The following PLPPR3 variants were observed in gnomAD, a reference collection of about 807,000 sequenced individuals.
PLPPR3 encodes phospholipid phosphatase-related protein type 3.
In PLPPR3, 14 loss-of-function variants were observed where a neutral mutation model predicts 27.3. The observed-to-expected ratio is 0.51, with a 90% CI of 0.34 to 0.80. The LOEUF is 0.80. PLPPR3 is among the 30% of genes least tolerant of loss of function. PLPPR3 has a pLI of 0.01. For synonymous variants in PLPPR3, 671 were observed against 508.0 expected (o/e 1.32, Z -4.32); for missense variants, 1,287 against 1,056.9 (o/e 1.22, Z -3.02).
Position 812,883 on chromosome 19 carries a change from G to C in PLPPR3, c.1844C>G (p.Ala615Gly). Residue 615 changes from alanine to glycine, a missense_variant, in exon 8 of 8, where the codon GCC (alanine) becomes GGC (glycine). Ala to Gly is a moderately conservative substitution (Grantham distance 60). Transcript: ENST00000520876. ...KAAGGGAKAEADGGYELGDLA... is the reference protein window; with the variant it reads ...KAAGGGAKAEGDGGYELGDLA... The stretch of plus-strand genomic sequence containing the variant: ...GTCCCCCAGCTCGTAGCCGCCGTCG[G>C]CCTCCGCCTTGGCCCCGCCGCCCGC... 8.1e-7 allele frequency: 1 copy of C among 1,232,840 alleles called. No individual in the cohort carries two copies. Among genetic ancestry groups the C allele is most frequent in the South Asian group, 1.9e-5 (1 of 51,560 alleles). The allele number at this position is 1,232,840 out of a possible 1,614,324, so 76.4% of individuals were successfully genotyped here. A position where few individuals can be genotyped will look rare whatever the true frequency, so the allele number is the denominator to read the frequency against.
upstream of PLPPR3, among the ~76,000 whole-genome samples, chr19:823,450 A>AAAAAAAACAAAC (rs71174324): frequency 0.082 from 11,861 of 143,796 alleles, 700 homozygotes; most frequent in East Asian, 0.16. Flanking sequence ...TCAAAAAAAA[A>AAAAAAAACAAAC]AAAAAAAACA....
Position 813,512 on chromosome 19 carries a change from C to T in PLPPR3, c.1215G>A (p.Lys405=). The part of the protein sequence containing the change: ...IHVPLDASRS[K]QLISEWKQKS... ...TCTGCTTCCACTCGCTGATGAGCTGCTTGGAGCGCGAGGCGTCCAGCGGCA... is the reference window on the plus strand; with the variant it reads ...TCTGCTTCCACTCGCTGATGAGCTGTTTGGAGCGCGAGGCGTCCAGCGGCA... Residue 405 remains lysine (K), a synonymous_variant, in exon 8 of 8, where the codon AAG becomes AAA. Coordinates refer to ENST00000520876, the MANE Select transcript of PLPPR3 (RefSeq NM_001270366.2). The surrounding 1 kb of genome is among the most constrained non-coding windows in gnomAD (Gnocchi z 4.1). 1.3e-6 allele frequency: 2 copies of T among 1,557,876 alleles called. No individual in the cohort carries two copies. The highest frequency in any genetic ancestry group is 1.7e-6 in the Non-Finnish European group (2 of 1,154,566).
intron 2 of PLPPR3, among the ~76,000 whole-genome samples, chr19:819,964 C>T (rs1179548185): frequency 6.6e-6 from 1 of 151,948 alleles, no homozygotes; most frequent in Non-Finnish European, 1.5e-5. Context: ...TCTCAGGCTC[C>T]TATGTAACTG....
chr19:813,699 T>C lies in PLPPR3; in HGVS notation c.1028A>G (p.Lys343Arg). 2.0e-6 allele frequency: 3 copies of C among 1,529,272 alleles called. No homozygotes were observed. The highest frequency in any genetic ancestry group is 2.6e-6 in the Non-Finnish European group (3 of 1,143,236). The allele number at this position is 1,529,272 out of a possible 1,614,324, so 94.7% of individuals were successfully genotyped here. A position where few individuals can be genotyped will look rare whatever the true frequency, so the allele number is the denominator to read the frequency against. The part of the protein sequence containing the change: ...EGAPRPVARE[K>R]TSLGSLKRAS... ...GCGCTTCAGGCTGCCCAGCGAGGTC[T>C]TCTCGCGGGCCACGGGCCGGGGCGC... The change falls in exon 8 of 8, where the codon AAG becomes AGG. Residue 343 changes from lysine to arginine, a missense_variant. By Grantham distance (26) the Lys-to-Arg change is conservative. Coordinates refer to ENST00000520876, the MANE Select transcript of PLPPR3 (RefSeq NM_001270366.2). The surrounding 1 kb of genome is among the most constrained non-coding windows in gnomAD (Gnocchi z 4.1).
intron 3 of PLPPR3, 133 bp downstream of exon 3, chr19:815,533 C>T: frequency 8.8e-7 from 1 of 1,134,196 alleles, no homozygotes; most frequent in Non-Finnish European, 1.2e-6. Context: ...GGCTGCGGTG[C>T]CCACAGGCTG....
In PLPPR3 at chr19:812,889, G is replaced by A. The variant is rs1416974071; in HGVS notation, c.1838C>T (p.Ala613Val). The A allele has an allele frequency of 1.6e-6, 2 of 1,260,360 alleles. No individual in the cohort carries two copies. Among genetic ancestry groups the A allele is most frequent in the Admixed American group, 4.3e-5 (1 of 23,122 alleles). The allele number at this position is 1,260,360 out of a possible 1,614,324, so 78.1% of individuals were successfully genotyped here. ...EWKAAGGGAK[A>V]EADGGYELGD... ...CAGCTCGTAGCCGCCGTCGGCCTCC[G>A]CCTTGGCCCCGCCGCCCGCCGCCTT... Residue 613 changes from alanine to valine, a missense_variant, in exon 8 of 8, where the codon GCG becomes GTG. By Grantham distance (64) the Ala-to-Val change is moderately conservative. Coordinates refer to ENST00000520876, the MANE Select transcript of PLPPR3 (RefSeq NM_001270366.2).
At position 821,571 on chromosome 19, in the gene PLPPR3, C is replaced by G; in HGVS notation, c.-12G>C. 1 of 1,469,748 alleles carries G rather than the reference C, an allele frequency of 6.8e-7. No individual in the cohort carries two copies. Among genetic ancestry groups the G allele is most frequent in the East Asian group, 3.0e-5 (1 of 33,424 alleles). The allele number at this position is 1,469,748 out of a possible 1,614,324, so 91.0% of individuals were successfully genotyped here. A position where few individuals can be genotyped will look rare whatever the true frequency, so the allele number is the denominator to read the frequency against. ...TTGGTGGAGATCATGGTGCCGCGGG[C>G]GCCGCAGGCCGTGGCTGGAGGGGAG... is the stretch of plus-strand genomic sequence containing the variant. On this transcript the variant is annotated 5_prime_UTR_variant, in exon 2 of 8. Coordinates refer to ENST00000520876, the MANE Select transcript of PLPPR3 (RefSeq NM_001270366.2).
rs993108857 is a variant in PLPPR3 at position 812,551 on chromosome 19, C to G, written c.*19G>C. The G allele has an allele frequency of 1.5e-5, 15 of 986,434 alleles. No homozygotes were observed. Among genetic ancestry groups the G allele is most frequent in the African/African-American group, 1.8e-5 (1 of 56,586 alleles). 61.1% of individuals were successfully genotyped at this position (986,434 alleles called of 1,614,324 possible). A position where few individuals can be genotyped will look rare whatever the true frequency, so the allele number is the denominator to read the frequency against. ...CCGCGCCCTCGGCCCGCCCCCCGCC[C>G]GCCCCCGGCCCCGCCGCGCTAGTCG... On this transcript the variant is annotated 3_prime_UTR_variant, in exon 8 of 8. Coordinates refer to ENST00000520876, the MANE Select transcript of PLPPR3 (RefSeq NM_001270366.2).
At position 812,515 on chromosome 19, in the gene PLPPR3, C is replaced by T. The variant is rs1047498134; in HGVS notation, c.*55G>A. On this transcript the variant is annotated 3_prime_UTR_variant, in exon 8 of 8. Transcript: ENST00000520876. Reference sequence around the variant, plus strand: ...GGTTTCTGCCGCTTTATTGAGCATCCGCGCGGCCGCCCGCGCCCTCGGCCC... The same window carrying T: ...GGTTTCTGCCGCTTTATTGAGCATCTGCGCGGCCGCCCGCGCCCTCGGCCC... 12 of 987,208 alleles carry T rather than the reference C, an allele frequency of 1.2e-5. No homozygotes were observed. In the Admixed American group the frequency reaches 3.1e-4, roughly 25 times the overall value. 61.2% of individuals were successfully genotyped at this position (987,208 alleles called of 1,614,324 possible).
chr19:819,306 A>C (rs1450487422), intron 2 of PLPPR3, among the ~76,000 whole-genome samples: 1 of 111,600 alleles, frequency 9.0e-6, no homozygotes, highest in African/African-American at 4.0e-5. Flanking sequence ...TCCGAGATGG[A>C]GTCTCACTCT....
chr19:823,547 G>A (rs889434876), upstream of PLPPR3, among the ~76,000 whole-genome samples: 4 of 152,230 alleles, frequency 2.6e-5, no homozygotes, highest in South Asian at 2.1e-4. Context: ...GAAGAGGGTC[G>A]CCTGCCATAA....
chr19:812,927 C>G lies in PLPPR3; in HGVS notation c.1800G>C (p.Ala600=). The G allele has an allele frequency of 5.2e-6, 7 of 1,335,670 alleles. No homozygotes were observed. The highest frequency in any genetic ancestry group is 6.7e-6 in the Non-Finnish European group (7 of 1,041,086). 82.7% of individuals were successfully genotyped at this position (1,335,670 alleles called of 1,614,324 possible). A position where few individuals can be genotyped will look rare whatever the true frequency, so the allele number is the denominator to read the frequency against. ...HPVVHLSAGG[A]PWEWKAAGGG... ...CGCCCGCCGCCTTCCACTCCCAGGG[C>G]GCGCCGCCGGCCGACAGGTGCACCA... is the stretch of plus-strand genomic sequence containing the variant. Residue 600 remains alanine, a synonymous_variant, in exon 8 of 8, where the codon GCG becomes GCC. Transcript: ENST00000520876.
intron 2 of PLPPR3, among the ~76,000 whole-genome samples, chr19:818,894 A>G (rs923792057): frequency 9.3e-5 from 14 of 150,520 alleles, no homozygotes; most frequent in African/African-American, 3.2e-4. Context: ...CCAGGCCTCA[A>G]GTGATCTTCC....
Position 813,407 on chromosome 19 carries a change from C to G in PLPPR3, c.1320G>C (p.Ala440=), listed in dbSNP as rs201467490. ...GHLRAPAEPM[A]EEEEEEEDEE... is the part of the protein sequence containing the mutation. ...CGTCCTCCTCCTCTTCCTCCTCCTC[C>G]GCCATGGGTTCGGCGGGCGCGCGCA... is the stretch of plus-strand genomic sequence containing the variant. Residue 440 remains alanine, a synonymous_variant, in exon 8 of 8, where the codon GCG becomes GCC. Transcript: ENST00000520876. This position sits in a 1 kb window ranked among gnomAD's most constrained non-coding sequence, Gnocchi z 4.1. 6.6e-7 allele frequency: 1 copy of G among 1,504,302 alleles called. No individual in the cohort carries two copies. Among genetic ancestry groups the G allele is most frequent in the Admixed American group, 2.3e-5 (1 of 43,306 alleles). 93.2% of individuals were successfully genotyped at this position (1,504,302 alleles called of 1,614,324 possible).
Position 812,981 on chromosome 19 carries a change from G to A in PLPPR3, c.1746C>T (p.Thr582=). The change falls in exon 8 of 8, where the codon ACC becomes ACT. Residue 582 remains threonine, a synonymous_variant. Transcript: ENST00000520876. ...PSDRDSASIV[T]IDAHAPHHPV... ...GGTGGTGCGGCGCGTGCGCGTCGAT[G>A]GTCACGATGCTGGCGGAGTCGCGGT... The A allele has an allele frequency of 1.3e-6, 2 of 1,502,398 alleles. No individual in the cohort carries two copies. Among genetic ancestry groups the A allele is most frequent in the Non-Finnish European group, 1.8e-6 (2 of 1,132,762 alleles). The allele number at this position is 1,502,398 out of a possible 1,614,324, so 93.1% of individuals were successfully genotyped here. A position where few individuals can be genotyped will look rare whatever the true frequency, so the allele number is the denominator to read the frequency against.
intron 2 of PLPPR3, among the ~76,000 whole-genome samples, chr19:818,425 C>G (rs1008184381): frequency 4.0e-5 from 6 of 151,818 alleles, no homozygotes; most frequent in South Asian, 2.1e-4. Flanking sequence ...ATAAGGCCGA[C>G]CGCAGTGGCT....
At chr19:816,115 C>G (rs550852426) in intron 2 of PLPPR3, among the ~76,000 whole-genome samples, 1 of 152,018 alleles carries the variant, frequency 6.6e-6, no homozygotes, top group Non-Finnish European at 1.5e-5. Flanking sequence ...CTCACCGACC[C>G]ATCACCCACC....
At chr19:822,886 C>T (rs1001888451), upstream of PLPPR3, among the ~76,000 whole-genome samples, 2 of 150,032 alleles carry the variant, frequency 1.3e-5, no homozygotes, top group Non-Finnish European at 3.0e-5. Flanking sequence ...TTTGGGAGGT[C>T]GAGGCGGGCG....
In PLPPR3 at chr19:821,602, G is replaced by T. The variant is rs2035147125; in HGVS notation, c.-26-17C>A. 7.0e-7 allele frequency: 1 copy of T among 1,419,680 alleles called. No homozygotes were observed. The highest frequency in any genetic ancestry group is 9.4e-7 in the Non-Finnish European group (1 of 1,065,064). 87.9% of individuals were successfully genotyped at this position (1,419,680 alleles called of 1,614,324 possible). On this transcript the variant is annotated splice_polypyrimidine_tract_variant and intron_variant, in intron 1 of 7. Transcript: ENST00000520876. ...AGGCCGTGGCTGGAGGGGAGAAAGC[G>T]GCGCTGGAGGGGGGCGCGCAGGCGG... is the stretch of plus-strand genomic sequence containing the variant.
Sources: allele counts gnomAD v4.1 joint callset (sites outside exome capture counted in the v4.1 genomes callset), GRCh38; gene constraint gnomAD v4.1.1; non-coding constraint Gnocchi (gnomAD v3.1); transcripts MANE v1.5; gene names NCBI Gene and HGNC (gene_info 2026-07-23, HGNC 2026-07-21).